VWC2: variants seen among roughly 807,000 people sequenced by gnomAD.
The protein encoded by VWC2 is von Willebrand factor C domain containing 2.
In VWC2, 14 loss-of-function variants were observed where a neutral mutation model predicts 29.8. The ratio of observed to expected loss-of-function variants is 0.47; its 90% CI spans 0.31 to 0.74. The LOEUF is 0.74. VWC2 is among the 30% of genes least tolerant of loss of function. The pLI, the probability that VWC2 is intolerant of heterozygous loss-of-function variation, is 0.05. For missense variants in VWC2, 457 were observed against 459.8 expected (o/e 0.99, Z 0.05); for synonymous variants, 213 against 199.0 (o/e 1.07, Z -0.59).
In VWC2 at chr7:49,912,855, T is replaced by G. The variant is rs531255756; in HGVS notation, c.*670T>G. 1 of 152,352 alleles carries G rather than the reference T, an allele frequency of 6.6e-6. No homozygotes were observed. Among genetic ancestry groups the G allele is most frequent in the South Asian group, 2.1e-4 (1 of 4,830 alleles). 9.4% of individuals were successfully genotyped at this position (152,352 alleles called of 1,614,324 possible). A position where few individuals can be genotyped will look rare whatever the true frequency, so the allele number is the denominator to read the frequency against. ...AGTTCTTTCCCCTAAGCTCCTGTAT[T>G]GTACACCATAGGTAAGCACATACAT... On this transcript the variant is annotated 3_prime_UTR_variant, in exon 4 of 4. Transcript: ENST00000340652.
At chr7:49,849,841 G>A (rs1005969808) in intron 3 of VWC2, among the ~76,000 whole-genome samples, 7 of 152,208 alleles carry the variant, frequency 4.6e-5, no homozygotes, top group East Asian at 1.9e-4. Context: ...TCTAACCTGC[G>A]AGGCCAGTGA....
In VWC2 at chr7:49,843,394, G is replaced by A. The variant is rs1392420566; in HGVS notation, c.826+40554G>A. ...ACACAGCTCAGTGAGGCCCATGGAC[G>A]TATTAAGCAAATGTTTTCAGAGATT... On this transcript the variant is annotated intron_variant, in intron 3 of 3. Coordinates refer to ENST00000340652, the MANE Select transcript of VWC2 (RefSeq NM_198570.5). 1.4e-4 allele frequency among the ~76,000 whole-genome samples: 21 copies of A among 152,096 alleles called. No homozygotes were observed. In the East Asian group the frequency reaches 1.9e-3, roughly 14 times the overall value.
intron 3 of VWC2, among the ~76,000 whole-genome samples, chr7:49,816,486 G>A (rs747304011): frequency 1.3e-5 from 2 of 152,156 alleles, no homozygotes; most frequent in African/African-American, 2.4e-5. Flanking sequence ...TAAGAATGGG[G>A]CTCCACTTCT....
intron 3 of VWC2, among the ~76,000 whole-genome samples, chr7:49,809,298 G>T (rs1019749623): frequency 1.3e-4 from 20 of 151,814 alleles, no homozygotes; most frequent in African/African-American, 4.8e-4. Context: ...CAGATTCCTA[G>T]GAAAACACAA....
chr7:49,885,855 G>T (rs561474782), intron 3 of VWC2, among the ~76,000 whole-genome samples: 1 of 152,252 alleles, frequency 6.6e-6, no homozygotes, highest in Non-Finnish European at 1.5e-5. Context: ...CAGCATTCAG[G>T]GTACACCTGG....
chr7:49,886,703 T>C (rs1226442062), intron 3 of VWC2, among the ~76,000 whole-genome samples: 1 of 152,156 alleles, frequency 6.6e-6, no homozygotes, highest in Non-Finnish European at 1.5e-5. Context: ...TTGTCACCTA[T>C]TATGTAGTTT....
chr7:49,821,403 ACT>A (rs1312931761), intron 3 of VWC2, among the ~76,000 whole-genome samples: 2 of 152,136 alleles, frequency 1.3e-5, no homozygotes, highest in Non-Finnish European at 2.9e-5. Flanking sequence ...TTTACTTGTC[ACT>A]CTCTGAACCA....
At chr7:49,878,000 T>C (rs779528251) in intron 3 of VWC2, among the ~76,000 whole-genome samples, 2 of 152,146 alleles carry the variant, frequency 1.3e-5, no homozygotes, top group Non-Finnish European at 2.9e-5. Context: ...TTGATATCTT[T>C]GGATGACTGA....
Position 49,919,491 on chromosome 7 carries a change from A to G in VWC2, c.*7306A>G, listed in dbSNP as rs1333233707. 4 of 152,206 alleles carry G rather than the reference A, an allele frequency of 2.6e-5. No homozygotes were observed. Among genetic ancestry groups the G allele is most frequent in the Non-Finnish European group, 5.9e-5 (4 of 68,022 alleles). The allele number at this position is 152,206 out of a possible 1,614,324, so 9.4% of individuals were successfully genotyped here. A position where few individuals can be genotyped will look rare whatever the true frequency, so the allele number is the denominator to read the frequency against. Reference sequence around the variant, plus strand: ...TTACCATTGTATGTTCCAATGACATAAAAAACTAAGTGCCTGCTTGGGCTA... The same window carrying G: ...TTACCATTGTATGTTCCAATGACATGAAAAACTAAGTGCCTGCTTGGGCTA... On this transcript the variant is annotated 3_prime_UTR_variant, in exon 4 of 4. Transcript: ENST00000340652.
chr7:49,847,925 G>T (rs1790012395), intron 3 of VWC2, among the ~76,000 whole-genome samples: 1 of 152,166 alleles, frequency 6.6e-6, no homozygotes, highest in Admixed American at 6.5e-5. Flanking sequence ...CTATCTCCTG[G>T]AATGGGTTAG....
At chr7:49,872,826 G>A (rs1184431307) in intron 3 of VWC2, among the ~76,000 whole-genome samples, 2 of 139,102 alleles carry the variant, frequency 1.4e-5, no homozygotes, top group Non-Finnish European at 3.0e-5. Context: ...TGAAACAGGA[G>A]AATCGCTTGA....
intron 2 of VWC2, among the ~76,000 whole-genome samples, chr7:49,793,716 T>A (rs1479735450): frequency 6.6e-6 from 1 of 152,250 alleles, no homozygotes; most frequent in Non-Finnish European, 1.5e-5. Flanking sequence ...AATGGTCAAT[T>A]GTTTCTAACT....
chr7:49,874,740 G>T (rs941453074), intron 3 of VWC2, among the ~76,000 whole-genome samples: 1 of 152,084 alleles, frequency 6.6e-6, no homozygotes, highest in African/African-American at 2.4e-5. Context: ...CCTTGAGTTG[G>T]GGCACCTTTG....
At chr7:49,870,063 A>G (rs953991153) in intron 3 of VWC2, among the ~76,000 whole-genome samples, 2 of 152,238 alleles carry the variant, frequency 1.3e-5, no homozygotes, top group African/African-American at 4.8e-5. Context: ...GGTAGAAGAC[A>G]GAAGTGTAGT....
At chr7:49,898,459 T>C (rs1168305455) in intron 3 of VWC2, among the ~76,000 whole-genome samples, 1 of 152,126 alleles carries the variant, frequency 6.6e-6, no homozygotes, top group East Asian at 1.9e-4. Context: ...TAACCACAAA[T>C]CCCTCAATAT....
intron 3 of VWC2, among the ~76,000 whole-genome samples, chr7:49,840,132 CCTGT>C (rs1409502171): frequency 6.6e-6 from 1 of 152,162 alleles, no homozygotes; most frequent in Non-Finnish European, 1.5e-5. Flanking sequence ...CCGAGGAGAG[CCTGT>C]CTGAGAAGAG....
Position 49,775,401 on chromosome 7 carries a change from T to A in VWC2, c.-35T>A. 2 of 1,072,708 alleles carry A rather than the reference T, an allele frequency of 1.9e-6. No individual in the cohort carries two copies. The highest frequency in any genetic ancestry group is 2.4e-6 in the Non-Finnish European group (2 of 829,142). The allele number at this position is 1,072,708 out of a possible 1,614,324, so 66.4% of individuals were successfully genotyped here. On this transcript the variant is annotated 5_prime_UTR_variant, in exon 2 of 4. Transcript: ENST00000340652. ...AATGCGACTCGCCCCTCGGCCGCGC[T>A]CCCCGCCCGCCCGCCCGCCGGGACG... is the stretch of plus-strand genomic sequence containing the variant.
intron 2 of VWC2, among the ~76,000 whole-genome samples, chr7:49,793,221 T>C (rs946180101): frequency 5.3e-5 from 8 of 152,244 alleles, no homozygotes; most frequent in African/African-American, 1.7e-4. Flanking sequence ...CAAATTCATA[T>C]GTGAGATTTT....
chr7:49,879,996 T>C (rs1791599844), intron 3 of VWC2, among the ~76,000 whole-genome samples: 1 of 152,188 alleles, frequency 6.6e-6, no homozygotes, highest in Non-Finnish European at 1.5e-5. Context: ...AGGCTTCAAG[T>C]TTCAAGAAAA....
Sources: gnomAD v4.1 joint callset for allele counts (sites outside exome capture counted in the v4.1 genomes callset) on GRCh38, gnomAD v4.1.1 for gene constraint, MANE v1.5 for transcripts, NCBI Gene and HGNC (gene_info 2026-07-23, HGNC 2026-07-21) for gene names.